The following TMC1 variants were observed in gnomAD, a reference collection of about 807,000 sequenced individuals.
TMC1 encodes transmembrane channel like 1.
TMC1 carries 84 observed loss-of-function variants against 105.8 expected under a neutral mutation model. The observed-to-expected ratio is 0.79, with a 90% confidence interval of 0.67 to 0.95. The LOEUF is 0.95. TMC1 is among the 40% of genes least tolerant of loss of function. The pLI, the probability that TMC1 is intolerant of heterozygous loss-of-function variation, is 0.00. For missense variants in TMC1, 817 were observed against 914.1 expected, an observed-to-expected ratio of 0.89 and a Z score of 1.37; for synonymous variants, 315 against 311.5, an observed-to-expected ratio of 1.01 and a Z score of -0.12.
rs1829129546 is a variant in TMC1, at chr9:72,836,595, A to G, written c.*622A>G. 1.3e-5 allele frequency: 2 copies of G among 153,414 alleles called. No homozygotes were observed. Among genetic ancestry groups the G allele is most frequent in the Non-Finnish European group, 2.9e-5 (2 of 68,952 alleles). 9.5% of individuals were successfully genotyped at this position (153,414 alleles called of 1,614,324 possible). On this transcript the variant is annotated 3_prime_UTR_variant, in exon 24 of 24. Transcript: ENST00000297784. ...GGTTTTTAGAAGAAAAAAAAATCCT[A>G]TATGAATTGGGGCCTGGATAGCACT... is the stretch of plus-strand genomic sequence containing the variant.
intron 1 of TMC1, among the ~76,000 whole-genome samples, chr9:72,526,358 A>T (rs1254152583): frequency 6.6e-6 from 1 of 152,200 alleles, no homozygotes; most frequent in African/African-American, 2.4e-5. Flanking sequence ...GTGTAGGACA[A>T]TGGAGAACAC....
chr9:72,787,507 A>C (rs187063528), intron 13 of TMC1, among the ~76,000 whole-genome samples: 2 of 152,180 alleles, frequency 1.3e-5, no homozygotes, highest in Admixed American at 6.5e-5. Context: ...CCATTTTATA[A>C]TTTGTGTCAT....
At chr9:72,563,176 G>A (rs1224112312) in intron 1 of TMC1, among the ~76,000 whole-genome samples, 7 of 152,156 alleles carry the variant, frequency 4.6e-5, no homozygotes, top group African/African-American at 1.4e-4. Context: ...AGTTTGAGTT[G>A]TGTGGTTTTG....
chr9:72,828,767 A>G (rs1828997804), intron 21 of TMC1, among the ~76,000 whole-genome samples: 1 of 152,208 alleles, frequency 6.6e-6, no homozygotes, highest in South Asian at 2.1e-4. Context: ...AGCACCAAAC[A>G]GGGATCAGAA....
At chr9:72,581,104 T>C (rs1341861818) in intron 2 of TMC1, among the ~76,000 whole-genome samples, 1 of 152,218 alleles carries the variant, frequency 6.6e-6, no homozygotes, top group Non-Finnish European at 1.5e-5. Flanking sequence ...ACATAAAAAA[T>C]GAATTTATTC....
chr9:72,670,436 C>A (rs1415305731), intron 5 of TMC1, among the ~76,000 whole-genome samples: 13 of 152,032 alleles, frequency 8.6e-5, no homozygotes, highest in Admixed American at 7.9e-4. Context: ...TATACCAGAA[C>A]AAAGCCGAAG....
intron 18 of TMC1, among the ~76,000 whole-genome samples, chr9:72,806,309 G>T (rs1163466044): frequency 6.8e-6 from 1 of 147,586 alleles, no homozygotes; most frequent in Non-Finnish European, 1.5e-5. Flanking sequence ...GGGCAGAGGC[G>T]CCCCTCACCT....
chr9:72,617,586 C>T (rs1825156657), intron 3 of TMC1, among the ~76,000 whole-genome samples: 1 of 151,942 alleles, frequency 6.6e-6, no homozygotes, highest in South Asian at 2.1e-4. Context: ...AGTGATGTTC[C>T]AAAATAACTT....
intron 21 of TMC1, among the ~76,000 whole-genome samples, chr9:72,828,197 A>G (rs1828988509): frequency 6.6e-6 from 1 of 152,190 alleles, no homozygotes; most frequent in Non-Finnish European, 1.5e-5. Flanking sequence ...TATATTACAT[A>G]ACCTTGATAA....
At chr9:72,674,200 A>C (rs1315886204) in intron 5 of TMC1, among the ~76,000 whole-genome samples, 1 of 152,188 alleles carries the variant, frequency 6.6e-6, no homozygotes, top group Non-Finnish European at 1.5e-5. Context: ...GAAGATATTA[A>C]TTTTCCTTAA....
intron 11 of TMC1, among the ~76,000 whole-genome samples, chr9:72,753,126 T>A: frequency 6.6e-6 from 1 of 152,118 alleles, no homozygotes. Flanking sequence ...AATCCACTAG[T>A]TTTATAATCC....
intron 3 of TMC1, among the ~76,000 whole-genome samples, chr9:72,626,252 A>G (rs1825344938): frequency 6.6e-6 from 1 of 152,330 alleles, no homozygotes; most frequent in Admixed American, 6.5e-5. Flanking sequence ...ATAAATGGTT[A>G]TCATTGATTG....
intron 1 of TMC1, among the ~76,000 whole-genome samples, chr9:72,522,540 G>A (rs1823330852): frequency 6.6e-6 from 1 of 152,196 alleles, no homozygotes; most frequent in African/African-American, 2.4e-5. Flanking sequence ...GGGACAGTGA[G>A]CACAGGGACA....
chr9:72,821,220 G>A (rs1037114684), intron 20 of TMC1, 139 bp downstream of exon 20: 24 of 1,324,152 alleles, frequency 1.8e-5, no homozygotes, highest in Admixed American at 1.2e-4. Context: ...CCGGCTGGGC[G>A]CAGTGGCTCA....
In TMC1 at chr9:72,812,673, C is replaced by T. The variant is rs373975101; in HGVS notation, c.1696-3470C>T. On this transcript the variant is annotated intron_variant, in intron 18 of 23. Transcript: ENST00000297784. ...TGCTGACTCTCGTCTGAGGACCACA[C>T]TCAAAAGCCACTGCTCTGGAGCCAC... Among the ~76,000 whole-genome samples the T allele has an allele frequency of 2.0e-4, 31 of 152,346 alleles. No individual in the cohort carries two copies. The East Asian group carries it at 5.4e-3, about 27-fold the overall frequency.
intron 13 of TMC1, among the ~76,000 whole-genome samples, chr9:72,784,903 T>A (rs963036158): frequency 2.6e-5 from 4 of 152,130 alleles, no homozygotes; most frequent in Admixed American, 2.6e-4. Flanking sequence ...TACACATGGA[T>A]GCAAAGAAGA....
intron 4 of TMC1, among the ~76,000 whole-genome samples, chr9:72,637,140 G>C (rs968097727): frequency 2.6e-5 from 4 of 151,692 alleles, no homozygotes; most frequent in African/African-American, 9.7e-5. Flanking sequence ...AATCATTTCA[G>C]ATATTTGCTA....
At chr9:72,825,947 A>G (rs190263358) in intron 20 of TMC1, among the ~76,000 whole-genome samples, 92 of 152,212 alleles carry the variant, frequency 6.0e-4, no homozygotes, top group African/African-American at 2.0e-3. Flanking sequence ...AGACCAGGAG[A>G]AAAAAACCAT....
chr9:72,808,985 T>A (rs1828647882), intron 18 of TMC1: 1 of 152,286 alleles, frequency 6.6e-6, no homozygotes, highest in South Asian at 2.1e-4. Flanking sequence ...GTAATGCTCT[T>A]CGGTGAACGA....
Sources: gnomAD v4.1 joint callset for allele counts (sites outside exome capture counted in the v4.1 genomes callset) on GRCh38, gnomAD v4.1.1 for gene constraint, MANE v1.5 for transcripts, NCBI Gene and HGNC (gene_info 2026-07-23, HGNC 2026-07-21) for gene names.